Variants in L3MBTL4 observed in about 807,000 individuals in gnomAD.
The protein encoded by L3MBTL4 is lethal(3)malignant brain tumor-like protein 4.
A neutral mutation model predicts 84.5 loss-of-function variants in L3MBTL4; 70 were observed. That is an observed-to-expected ratio of 0.83 (90% CI 0.68 to 1.01). L3MBTL4 has a LOEUF of 1.01. Ranked by LOEUF, L3MBTL4 falls within the 50% of genes least tolerant of loss-of-function variation. The pLI is 0.00. For missense variants in L3MBTL4, 715 were observed against 754.8 expected (o/e 0.95, Z 0.62); for synonymous variants, 274 against 259.8 (o/e 1.05, Z -0.52).
intron 1 of L3MBTL4, among the ~76,000 whole-genome samples, chr18:6,375,332 T>G (rs2054323127): frequency 6.6e-6 from 1 of 152,066 alleles, no homozygotes; most frequent in Admixed American, 6.5e-5. Flanking sequence ...CTGAGGCACC[T>G]CCTGACCTGG....
intron 10 of L3MBTL4, among the ~76,000 whole-genome samples, chr18:6,220,751 T>C (rs551132320): frequency 6.6e-6 from 1 of 152,314 alleles, no homozygotes; most frequent in Admixed American, 6.5e-5. Flanking sequence ...GAATAAAATA[T>C]ATTTCCTGAA....
chr18:6,091,938 A>C (rs1018625558), intron 15 of L3MBTL4, among the ~76,000 whole-genome samples: 8 of 152,216 alleles, frequency 5.3e-5, no homozygotes, highest in Non-Finnish European at 1.0e-4. Context: ...AAAAGAAAAA[A>C]TTCTCTCTCA....
chr18:6,356,159 T>C (rs2053436413), intron 1 of L3MBTL4, among the ~76,000 whole-genome samples: 1 of 152,210 alleles, frequency 6.6e-6, no homozygotes, highest in African/African-American at 2.4e-5. Context: ...AATAATTCTG[T>C]AGTATTCTCT....
intron 15 of L3MBTL4, among the ~76,000 whole-genome samples, chr18:6,089,964 A>C (rs2058386436): frequency 6.6e-6 from 1 of 152,184 alleles, no homozygotes; most frequent in Non-Finnish European, 1.5e-5. Flanking sequence ...CTTTGCCTAA[A>C]TTACAAAATT....
chr18:6,410,214 T>C (rs11660658), intron 1 of L3MBTL4, among the ~76,000 whole-genome samples: 38,497 of 152,188 alleles, frequency 0.25, 5,591 homozygotes, highest in East Asian at 0.42. Flanking sequence ...CAAACCGCCT[T>C]AGGGGCTTCT....
At chr18:6,373,538 G>A (rs1177733869) in intron 1 of L3MBTL4, among the ~76,000 whole-genome samples, 1 of 152,126 alleles carries the variant, frequency 6.6e-6, no homozygotes, top group African/African-American at 2.4e-5. Context: ...TACACACAGT[G>A]AGATCTTAGA....
chr18:6,360,133 G>A (rs905971893), intron 1 of L3MBTL4, among the ~76,000 whole-genome samples: 1 of 152,196 alleles, frequency 6.6e-6, no homozygotes, highest in African/African-American at 2.4e-5. Flanking sequence ...ATTTTCAGAG[G>A]CCAAGGTGGG....
chr18:6,085,874 C>T (rs983899035), intron 15 of L3MBTL4, among the ~76,000 whole-genome samples: 1 of 152,118 alleles, frequency 6.6e-6, no homozygotes, highest in African/African-American at 2.4e-5. Context: ...ATCTGTTAAC[C>T]CTAGTGACCT....
chr18:6,274,479 C>A (rs1222991413), intron 4 of L3MBTL4, among the ~76,000 whole-genome samples: 3 of 152,192 alleles, frequency 2.0e-5, no homozygotes, highest in Non-Finnish European at 4.4e-5. Context: ...TGCACTACAG[C>A]CCATTACTTG....
chr18:6,114,849 G>A (rs2059308019), intron 14 of L3MBTL4, among the ~76,000 whole-genome samples: 1 of 152,222 alleles, frequency 6.6e-6, no homozygotes, highest in South Asian at 2.1e-4. Flanking sequence ...TCAGTGCTGA[G>A]GGAGGATGAG....
intron 16 of L3MBTL4, chr18:6,032,246 G>A: frequency 1.2e-6 from 1 of 846,346 alleles, no homozygotes; most frequent in African/African-American, 1.9e-5. Flanking sequence ...CAAAGTGCTG[G>A]GATTACAGGC....
intron 14 of L3MBTL4, among the ~76,000 whole-genome samples, chr18:6,118,993 C>CT (rs779523685): frequency 0.064 from 5,338 of 83,776 alleles, 411 homozygotes; most frequent in African/African-American, 0.15. Flanking sequence ...TTTTTGGTTT[C>CT]TTTTTTTTTT....
intron 17 of L3MBTL4, among the ~76,000 whole-genome samples, chr18:5,966,024 C>T (rs950864244): frequency 2.0e-5 from 3 of 152,146 alleles, no homozygotes; most frequent in African/African-American, 7.2e-5. Flanking sequence ...CACCTGTACC[C>T]ACAACAGAGA....
chr18:6,342,367 C>T (rs532761713), intron 1 of L3MBTL4, among the ~76,000 whole-genome samples: 4 of 151,756 alleles, frequency 2.6e-5, no homozygotes, highest in Admixed American at 6.6e-5. Flanking sequence ...GTAAAATATC[C>T]GAATGCAGTA....
intron 13 of L3MBTL4, among the ~76,000 whole-genome samples, chr18:6,164,047 T>G (rs914528112): frequency 6.6e-6 from 1 of 152,190 alleles, no homozygotes; most frequent in African/African-American, 2.4e-5. Flanking sequence ...TGCACCTGGC[T>G]TGGAAGGTCC....
At chr18:6,075,342 T>C (rs1170701814) in intron 16 of L3MBTL4, among the ~76,000 whole-genome samples, 1 of 152,096 alleles carries the variant, frequency 6.6e-6, no homozygotes, top group Non-Finnish European at 1.5e-5. Flanking sequence ...AGTAAACCAA[T>C]GGAATAGAAC....
At chr18:6,004,405 A>C (rs1019567028) in intron 16 of L3MBTL4, among the ~76,000 whole-genome samples, 13 of 152,186 alleles carry the variant, frequency 8.5e-5, no homozygotes, top group Admixed American at 4.6e-4. Context: ...GTTAAAGATA[A>C]GCCCTGGACG....
At chr18:6,272,079 T>C (rs142540276) in intron 4 of L3MBTL4, among the ~76,000 whole-genome samples, 116 of 152,302 alleles carry the variant, frequency 7.6e-4, no homozygotes, top group Non-Finnish European at 1.3e-3. Flanking sequence ...CTGTTAAGCG[T>C]ATCAGGAGAC....
At position 6,322,794 on chromosome 18, in the gene L3MBTL4, A is replaced by T. The variant is rs137967971; in HGVS notation, c.-90-10738T>A. ...TGAGGATGGTAAATGGGTACCAAAA[A>T]ATAGTTAGAAAGAATAAGATCTAGT... On this transcript the variant is annotated intron_variant, in intron 1 of 18. Transcript: ENST00000317931. Among the ~76,000 whole-genome samples, 320 of 152,260 alleles carry T rather than the reference A, an allele frequency of 2.1e-3. 2 individuals are homozygous for T. The highest frequency in any genetic ancestry group is 7.3e-3 in the African/African-American group (302 of 41,558).
Sources: gnomAD v4.1 joint callset for allele counts (sites outside exome capture counted in the v4.1 genomes callset) on GRCh38, gnomAD v4.1.1 for gene constraint, MANE v1.5 for transcripts, NCBI Gene and HGNC (gene_info 2026-07-23, HGNC 2026-07-21) for gene names.